LIMD1: variants seen among roughly 807,000 people sequenced by gnomAD.
The protein encoded by LIMD1 is LIM domain-containing protein 1.
In LIMD1, 23 loss-of-function variants were observed where a neutral mutation model predicts 58.4. The observed-to-expected ratio is 0.39, with a 90% CI of 0.28 to 0.56. LIMD1 has a LOEUF of 0.56. Ranked by LOEUF, LIMD1 falls within the 20% of genes least tolerant of loss-of-function variation. LIMD1 has a pLI of 0.57. For missense variants in LIMD1, 838 were observed against 855.5 expected (o/e 0.98, Z 0.25); for synonymous variants, 334 against 345.5 (o/e 0.97, Z 0.37).
rs1697737074 is a variant in LIMD1, at chr3:45,681,077, A to G, written c.*4018A>G. ...TAGCTATCTTTTATTCTGAGCCAAA[A>G]CTTGACAGATGTGGGAAATCTTCAT... On this transcript the variant is annotated 3_prime_UTR_variant, in exon 8 of 8. Transcript: ENST00000273317. 2.6e-5 allele frequency: 4 copies of G among 152,110 alleles called. No homozygotes were observed. Among genetic ancestry groups the G allele is most frequent in the Admixed American group, 2.6e-4 (4 of 15,278 alleles). 9.4% of individuals were successfully genotyped at this position (152,110 alleles called of 1,614,324 possible). A position where few individuals can be genotyped will look rare whatever the true frequency, so the allele number is the denominator to read the frequency against.
chr3:45,666,993 A>G (rs1053176600), intron 3 of LIMD1, among the ~76,000 whole-genome samples: 3 of 152,254 alleles, frequency 2.0e-5, no homozygotes, highest in African/African-American at 7.2e-5. Context: ...AACGGGCTTA[A>G]GTAAAAAGGA....
chr3:45,657,783 T>C (rs1462578691), intron 2 of LIMD1, among the ~76,000 whole-genome samples: 2 of 152,250 alleles, frequency 1.3e-5, no homozygotes, highest in African/African-American at 4.8e-5. Context: ...ATAAGTATCA[T>C]ATTTTTACTC....
chr3:45,610,896 T>C (rs1160696896), intron 1 of LIMD1, among the ~76,000 whole-genome samples: 1 of 152,208 alleles, frequency 6.6e-6, no homozygotes, highest in African/African-American at 2.4e-5. Context: ...ATTAATATTT[T>C]TCATATTGAT....
rs185728040 is a variant in LIMD1 at position 45,605,692 on chromosome 3, G to A, written c.1408+9405G>A. Among the ~76,000 whole-genome samples, 95 of 152,356 alleles carry A rather than the reference G, an allele frequency of 6.2e-4. 2 individuals carry two copies. The highest frequency in any genetic ancestry group is 2.2e-3 in the African/African-American group (90 of 41,588). On this transcript the variant is annotated intron_variant, in intron 1 of 7. Coordinates refer to ENST00000273317, the MANE Select transcript of LIMD1 (RefSeq NM_014240.3). Reference sequence around the variant, plus strand: ...AAATAACCACACATGGCAAGCCACTGGTATGATGATGATCACCAACCCTGC... The same window carrying A: ...AAATAACCACACATGGCAAGCCACTAGTATGATGATGATCACCAACCCTGC...
intron 1 of LIMD1, among the ~76,000 whole-genome samples, chr3:45,603,135 C>T (rs1455391187): frequency 6.6e-6 from 1 of 152,238 alleles, no homozygotes; most frequent in African/African-American, 2.4e-5. Flanking sequence ...GCCACTGCAC[C>T]TGGCCCTTCA....
intron 2 of LIMD1, among the ~76,000 whole-genome samples, chr3:45,653,931 AAG>A (rs1701999805): frequency 1.5e-5 from 2 of 136,864 alleles, no homozygotes; most frequent in Non-Finnish European, 3.2e-5. Flanking sequence ...AAAAAAGAAA[AAG>A]AAAAAAAAAA....
chr3:45,609,208 G>T (rs1701499255), intron 1 of LIMD1, among the ~76,000 whole-genome samples: 1 of 152,160 alleles, frequency 6.6e-6, no homozygotes, highest in African/African-American at 2.4e-5. Flanking sequence ...GCTTGTGGGA[G>T]GAGGGCCAAG....
chr3:45,621,347 A>G (rs1207596099), intron 1 of LIMD1, among the ~76,000 whole-genome samples: 1 of 151,992 alleles, frequency 6.6e-6, no homozygotes, highest in Non-Finnish European at 1.5e-5. Context: ...CTCCCACTTC[A>G]GCCTCCCAAG....
At chr3:45,630,484 A>G (rs1362494374) in intron 1 of LIMD1, among the ~76,000 whole-genome samples, 3 of 152,190 alleles carry the variant, frequency 2.0e-5, no homozygotes, top group Non-Finnish European at 4.4e-5. Flanking sequence ...GAAGGCACGC[A>G]CCTGCAGGGC....
At position 45,636,201 on chromosome 3, in the gene LIMD1, A is replaced by G. The variant is rs1410706540; in HGVS notation, c.1460A>G (p.Gln487Arg). 1 of 1,613,054 alleles carries G rather than the reference A, an allele frequency of 6.2e-7. No homozygotes were observed. Residue 487 changes from glutamine (Q) to arginine (R), a missense_variant, in exon 2 of 8, where the codon CAG (glutamine) becomes CGG (arginine). By Grantham distance (43) the Gln-to-Arg change is conservative. Around this residue, in one of 3 missense-constraint regions of LIMD1, gnomAD observed 659 missense variants for 639.8 expected, o/e 1.03. Transcript: ENST00000273317. ...GTGTTTGGGGCTGGCCAGGCCTGTC[A>G]GGCCATGGGGAACCTCTACCATGAC... ...KGVFGAGQACQAMGNLYHDTC... is the reference protein window; with the variant it reads ...KGVFGAGQACRAMGNLYHDTC...
At chr3:45,599,146 GT>G (rs566993182) in intron 1 of LIMD1, among the ~76,000 whole-genome samples, 2 of 151,318 alleles carry the variant, frequency 1.3e-5, no homozygotes, top group Admixed American at 6.6e-5. Context: ...TATTTTTATG[GT>G]TTTTTTTTAA....
intron 1 of LIMD1, among the ~76,000 whole-genome samples, chr3:45,619,325 A>T (rs2125653500): frequency 6.6e-6 from 1 of 152,286 alleles, no homozygotes; most frequent in South Asian, 2.1e-4. Context: ...TCTTCTTTAT[A>T]CTTGAGTTTA....
rs763768537 is a variant in LIMD1 at position 45,674,361 on chromosome 3, C to T, written c.1843C>T (p.Arg615Cys). ...GTCCCAGGGCTCAGATGAGACCATC[C>T]GTGTCGTGTCCATGGACAGAGACTA... ...LPPEGSDETI[R>C]VVSMDRDYHV... is the part of the protein sequence containing the mutation. Residue 615 changes from arginine to cysteine, a missense_variant, in exon 7 of 8, where the codon CGT becomes TGT. Physicochemically the swap from Arg to Cys is radical, Grantham distance 180. This residue lies in a region of LIMD1 where 174 missense variants were observed against 197.4 expected (regional missense o/e 0.88). Coordinates refer to ENST00000273317, the MANE Select transcript of LIMD1 (RefSeq NM_014240.3). 51 of 1,613,848 alleles carry T rather than the reference C, an allele frequency of 3.2e-5. No homozygotes were observed. Among genetic ancestry groups the T allele is most frequent in the African/African-American group, 8.0e-5 (6 of 74,898 alleles).
intron 2 of LIMD1, among the ~76,000 whole-genome samples, chr3:45,654,911 T>A (rs1702013043): frequency 6.7e-6 from 1 of 148,980 alleles, no homozygotes; most frequent in East Asian, 2.0e-4. Flanking sequence ...TCTGCACATT[T>A]ATCAGTCAAT....
At chr3:45,609,368 A>G (rs1288023857) in intron 1 of LIMD1, among the ~76,000 whole-genome samples, 5 of 152,200 alleles carry the variant, frequency 3.3e-5, no homozygotes, top group African/African-American at 1.2e-4. Flanking sequence ...GGGGAGCTTC[A>G]TGATGTTCTC....
intron 7 of LIMD1, among the ~76,000 whole-genome samples, chr3:45,675,379 G>A (rs576028612): frequency 8.5e-5 from 13 of 152,202 alleles, no homozygotes; most frequent in African/African-American, 3.1e-4. Context: ...AAAATACAAA[G>A]ATTAGTGGGC....
At chr3:45,638,118 A>G (rs912583592) in intron 2 of LIMD1, among the ~76,000 whole-genome samples, 6 of 152,152 alleles carry the variant, frequency 3.9e-5, no homozygotes, top group African/African-American at 1.4e-4. Flanking sequence ...TTTGCAATCT[A>G]TTTAGCAAAT....
intron 5 of LIMD1, 67 bp downstream of exon 5, chr3:45,672,887 G>A: frequency 6.3e-7 from 1 of 1,586,504 alleles, no homozygotes; most frequent in Non-Finnish European, 8.6e-7. Context: ...AGAGTGAGTG[G>A]TGGAAACCGA....
rs1274218440 is a variant in LIMD1, at chr3:45,663,484, CT to C, written c.1511-2165del. 2.6e-5 allele frequency among the ~76,000 whole-genome samples: 4 copies of C among 152,260 alleles called. No homozygotes were observed. In the East Asian group the frequency reaches 5.8e-4, roughly 22 times the overall value. On this transcript the variant is annotated intron_variant, in intron 2 of 7. Transcript: ENST00000273317. ...ATTAGATTTAGTAATTTTTGCCAAT[CT>C]ATGAAAGTGAGATAGAATCTCATTG...
Sources: allele counts gnomAD v4.1 joint callset (sites outside exome capture counted in the v4.1 genomes callset), GRCh38; gene constraint gnomAD v4.1.1; regional missense constraint gnomAD v4.1.1; transcripts MANE v1.5; gene names NCBI Gene and HGNC (gene_info 2026-07-23, HGNC 2026-07-21).